KLHL14: variants seen among roughly 807,000 people sequenced by gnomAD.
The protein encoded by KLHL14 is kelch-like protein 14.
Under a neutral mutation model 64.3 loss-of-function variants are expected in KLHL14, and 22 were observed. The ratio of observed to expected loss-of-function variants is 0.34; its 90% CI spans 0.24 to 0.49. The LOEUF (loss-of-function observed/expected upper bound fraction) is 0.49, where lower values mean the gene tolerates loss of function less well. Among genes scored for constraint, KLHL14 ranks in the 20% least tolerant of loss-of-function variants. The pLI is 0.99. For missense variants in KLHL14, 661 were observed against 789.0 expected, an observed-to-expected ratio of 0.84 and a Z score of 1.94; for synonymous variants, 322 against 333.4, an observed-to-expected ratio of 0.97 and a Z score of 0.37.
intron 7 of KLHL14, among the ~76,000 whole-genome samples, chr18:32,678,682 TA>T (rs2049823192): frequency 6.6e-6 from 1 of 152,144 alleles, no homozygotes; most frequent in Non-Finnish European, 1.5e-5. Context: ...AAGGCAAGGA[TA>T]ATTATCCTTC....
intron 2 of KLHL14, among the ~76,000 whole-genome samples, chr18:32,748,600 C>A (rs577100269): frequency 5.3e-5 from 8 of 151,876 alleles, no homozygotes; most frequent in African/African-American, 1.9e-4. Context: ...GTGATCCACC[C>A]GCCTCGGCCT....
intron 4 of KLHL14, among the ~76,000 whole-genome samples, chr18:32,690,449 G>T (rs1177409791): frequency 6.6e-6 from 1 of 152,150 alleles, no homozygotes; most frequent in Non-Finnish European, 1.5e-5. Context: ...CCAGGTTTTG[G>T]CTGGGCATGG....
At chr18:32,676,750 G>C (rs1443171987) in intron 8 of KLHL14, among the ~76,000 whole-genome samples, 1 of 152,072 alleles carries the variant, frequency 6.6e-6, no homozygotes, top group Non-Finnish European at 1.5e-5. Context: ...ACGATAAAGA[G>C]GGAAAATAAG....
At chr18:32,719,186 G>A (rs1037112693) in intron 3 of KLHL14, among the ~76,000 whole-genome samples, 1 of 152,200 alleles carries the variant, frequency 6.6e-6, no homozygotes, top group African/African-American at 2.4e-5. Flanking sequence ...GACCTCAGGT[G>A]ATCCGCCCAC....
At chr18:32,710,088 T>G (rs568354202) in intron 3 of KLHL14, among the ~76,000 whole-genome samples, 2 of 152,332 alleles carry the variant, frequency 1.3e-5, no homozygotes, top group Admixed American at 1.3e-4. Flanking sequence ...AAATGTTGAT[T>G]ATAATATCTA....
chr18:32,693,413 C>CAGAGAGAGGGAGAGAGAG (rs2049921184), intron 4 of KLHL14, among the ~76,000 whole-genome samples: 2 of 97,018 alleles, frequency 2.1e-5, no homozygotes, highest in African/African-American at 9.7e-5. Flanking sequence ...CACACACACA[C>CAGAGAGAGGGAGAGAGAG]AGAGAGAGAG....
At chr18:32,695,706 A>G (rs2049933504) in intron 3 of KLHL14, among the ~76,000 whole-genome samples, 154 bp from the exon 4 acceptor site, 1 of 151,798 alleles carries the variant, frequency 6.6e-6, no homozygotes, top group African/African-American at 2.4e-5. Flanking sequence ...CTACTCACCA[A>G]TCCAGGGATC....
At chr18:32,713,155 C>T (rs572965763) in intron 3 of KLHL14, among the ~76,000 whole-genome samples, 1 of 152,282 alleles carries the variant, frequency 6.6e-6, no homozygotes, top group East Asian at 1.9e-4. Context: ...GGAGCAGAGA[C>T]CTAATGAGAT....
chr18:32,762,782 A>G (rs2050321344), intron 2 of KLHL14, among the ~76,000 whole-genome samples: 1 of 152,152 alleles, frequency 6.6e-6, no homozygotes, highest in Non-Finnish European at 1.5e-5. Flanking sequence ...TTGGAAATCA[A>G]TGGAAAGGAC....
At chr18:32,716,962 A>G (rs576329739) in intron 3 of KLHL14, among the ~76,000 whole-genome samples, 2 of 152,260 alleles carry the variant, frequency 1.3e-5, no homozygotes, top group African/African-American at 2.4e-5. Context: ...ACAGATGTCT[A>G]GACTGGGCCT....
At chr18:32,727,368 TG>T (rs1162333672) in intron 3 of KLHL14, among the ~76,000 whole-genome samples, 7 of 152,170 alleles carry the variant, frequency 4.6e-5, no homozygotes, top group Admixed American at 4.6e-4. Context: ...ACATAGAAGA[TG>T]AAGCCCCAGT....
At chr18:32,698,371 A>AGG (rs2049946809) in intron 3 of KLHL14, among the ~76,000 whole-genome samples, 1 of 152,146 alleles carries the variant, frequency 6.6e-6, no homozygotes, top group South Asian at 2.1e-4. Context: ...TTAGAGGGAA[A>AGG]GGGGAAAGAG....
chr18:32,756,464 G>T (rs2050282582), intron 2 of KLHL14, among the ~76,000 whole-genome samples: 1 of 152,018 alleles, frequency 6.6e-6, no homozygotes, highest in Admixed American at 6.6e-5. Context: ...CCTTTCTAAG[G>T]TGAGATTATT....
intron 4 of KLHL14, 44 bp downstream of exon 4, chr18:32,695,419 C>T: frequency 8.5e-7 from 1 of 1,183,246 alleles, no homozygotes; most frequent in South Asian, 1.2e-5. Context: ...CTTCATTACA[C>T]ACATACTTGT....
intron 2 of KLHL14, among the ~76,000 whole-genome samples, chr18:32,765,225 T>C (rs2050335391): frequency 6.6e-6 from 1 of 152,344 alleles, no homozygotes; most frequent in South Asian, 2.1e-4. Context: ...GCAGTAGCAG[T>C]TGTAAATAAG....
At chr18:32,687,992 G>A (rs1227078365) in intron 4 of KLHL14, among the ~76,000 whole-genome samples, 1 of 152,180 alleles carries the variant, frequency 6.6e-6, no homozygotes, top group African/African-American at 2.4e-5. Flanking sequence ...TGGGAAATGT[G>A]AGTCCTCTGA....
intron 2 of KLHL14, among the ~76,000 whole-genome samples, chr18:32,767,424 A>G (rs1007716362): frequency 6.6e-6 from 1 of 152,266 alleles, no homozygotes; most frequent in Admixed American, 6.5e-5. Flanking sequence ...ATAGGTTCGC[A>G]TGAACTATTT....
At chr18:32,735,056 A>G (rs2050157690) in intron 3 of KLHL14, among the ~76,000 whole-genome samples, 1 of 152,206 alleles carries the variant, frequency 6.6e-6, no homozygotes, top group African/African-American at 2.4e-5. Flanking sequence ...ATAAACCAAG[A>G]TTATATTATT....
At chr18:32,696,202 A>G (rs1453525642) in intron 3 of KLHL14, among the ~76,000 whole-genome samples, 1 of 152,188 alleles carries the variant, frequency 6.6e-6, no homozygotes, top group African/African-American at 2.4e-5. Flanking sequence ...AACAAAGATG[A>G]AAACTGTCAG....
Sources: gnomAD v4.1 joint callset for allele counts (sites outside exome capture counted in the v4.1 genomes callset) on GRCh38, gnomAD v4.1.1 for gene constraint, MANE v1.5 for transcripts, NCBI Gene and HGNC (gene_info 2026-07-23, HGNC 2026-07-21) for gene names.